Variants in LDB2 observed in about 807,000 individuals in gnomAD.
LDB2 encodes LIM domain-binding protein 2.
In LDB2, 12 loss-of-function variants were observed where a neutral mutation model predicts 44.3. The observed-to-expected ratio is 0.27, with a 90% CI of 0.17 to 0.44. LDB2 has a LOEUF of 0.44. LDB2 is among the 20% of genes least tolerant of loss of function. LDB2 has a pLI of 1.00. For synonymous variants in LDB2, 164 were observed against 174.8 expected (o/e 0.94, Z 0.49); for missense variants, 344 against 473.5 (o/e 0.73, Z 2.54).
chr4:16,728,719 T>C (rs17429609), intron 2 of LDB2, among the ~76,000 whole-genome samples: 2,943 of 152,296 alleles, frequency 0.019, 38 homozygotes, highest in Non-Finnish European at 0.028. Context: ...ATCTAGAGCA[T>C]CCTCTTTCTG....
chr4:16,897,457 C>T (rs1022683906), intron 1 of LDB2, among the ~76,000 whole-genome samples: 3 of 152,194 alleles, frequency 2.0e-5, no homozygotes, highest in African/African-American at 7.2e-5. Context: ...TGAGCTAGCA[C>T]AGAGAAAAAG....
intron 2 of LDB2, among the ~76,000 whole-genome samples, chr4:16,715,112 C>T (rs1262506661): frequency 3.9e-5 from 6 of 152,134 alleles, no homozygotes; most frequent in African/African-American, 1.2e-4. Flanking sequence ...ACCCACACAA[C>T]AGCCCGATGT....
intron 1 of LDB2, among the ~76,000 whole-genome samples, chr4:16,771,083 C>A (rs904865551): frequency 6.6e-6 from 1 of 152,144 alleles, no homozygotes; most frequent in African/African-American, 2.4e-5. Context: ...GATTCAAAAT[C>A]TTGTTTCTGT....
chr4:16,782,350 T>C (rs557534598), intron 1 of LDB2, among the ~76,000 whole-genome samples: 91 of 151,174 alleles, frequency 6.0e-4, no homozygotes, highest in African/African-American at 2.2e-3. Flanking sequence ...ATAAAATAAA[T>C]ACTTTTTTTT....
chr4:16,502,911 G>A (rs1419550713), intron 7 of LDB2, 38 bp from the exon 8 acceptor site: 1 of 1,609,714 alleles, frequency 6.2e-7, no homozygotes, highest in African/African-American at 1.3e-5. Flanking sequence ...GGGAAACCTT[G>A]GGAGAGAGAA....
chr4:16,694,147 A>C (rs1396411360), intron 2 of LDB2, among the ~76,000 whole-genome samples: 2 of 152,210 alleles, frequency 1.3e-5, no homozygotes, highest in African/African-American at 2.4e-5. Context: ...GAATGCCCAC[A>C]CTGTGAGAAA....
At chr4:16,771,315 A>G (rs889493776) in intron 1 of LDB2, among the ~76,000 whole-genome samples, 1 of 152,232 alleles carries the variant, frequency 6.6e-6, no homozygotes, top group Non-Finnish European at 1.5e-5. Flanking sequence ...CTAGAAAAAA[A>G]TAATGTTTTT....
Position 16,508,428 on chromosome 4 carries a change from G to A in LDB2, c.891+107C>T, listed in dbSNP as rs1366772480. ...TTTATCCCTCCCCCACCTCCAACCT[G>A]CCCAGGATTTTTTTTTTTTTTCTAA... On this transcript the variant is annotated intron_variant, in intron 7 of 7. Transcript: ENST00000304523. 8 of 1,078,606 alleles carry A rather than the reference G, an allele frequency of 7.4e-6. No individual in the cohort carries two copies. In the East Asian group the frequency reaches 2.0e-4, roughly 27 times the overall value. 66.8% of individuals were successfully genotyped at this position (1,078,606 alleles called of 1,614,324 possible). A position where few individuals can be genotyped will look rare whatever the true frequency, so the allele number is the denominator to read the frequency against.
intron 2 of LDB2, among the ~76,000 whole-genome samples, chr4:16,751,585 C>T (rs1765509339): frequency 1.3e-5 from 2 of 152,110 alleles, no homozygotes; most frequent in Non-Finnish European, 2.9e-5. Context: ...TATGACTAGT[C>T]CTAGATTTTC....
intron 2 of LDB2, among the ~76,000 whole-genome samples, chr4:16,755,917 C>A (rs1232928354): frequency 7.9e-5 from 12 of 152,160 alleles, no homozygotes. Flanking sequence ...CTCTCCCCAC[C>A]AATTACCACC....
intron 2 of LDB2, among the ~76,000 whole-genome samples, chr4:16,724,269 T>C (rs1401948011): frequency 6.6e-6 from 1 of 151,996 alleles, no homozygotes; most frequent in Non-Finnish European, 1.5e-5. Flanking sequence ...ATGTCTTTGC[T>C]GTACTATCTG....
At chr4:16,772,001 T>C (rs999648546) in intron 1 of LDB2, among the ~76,000 whole-genome samples, 3 of 152,224 alleles carry the variant, frequency 2.0e-5, no homozygotes, top group African/African-American at 7.2e-5. Flanking sequence ...GTTGGTTCAC[T>C]GCACTCTCAG....
intron 5 of LDB2, among the ~76,000 whole-genome samples, chr4:16,578,301 C>T (rs1712672636): frequency 1.3e-5 from 2 of 152,066 alleles, no homozygotes; most frequent in South Asian, 2.1e-4. Flanking sequence ...TTGCAAGCTA[C>T]CCATTTGACA....
intron 2 of LDB2, among the ~76,000 whole-genome samples, chr4:16,754,740 C>A (rs1469151587): frequency 6.6e-6 from 1 of 152,146 alleles, no homozygotes; most frequent in Non-Finnish European, 1.5e-5. Flanking sequence ...CCATATTGGT[C>A]AGGCTGGTCT....
intron 1 of LDB2, among the ~76,000 whole-genome samples, chr4:16,787,978 C>T (rs1579665259): frequency 6.6e-6 from 1 of 152,154 alleles, no homozygotes; most frequent in Admixed American, 6.5e-5. Context: ...CCTGACCACT[C>T]TCTTTCTTCC....
intron 2 of LDB2, among the ~76,000 whole-genome samples, chr4:16,630,576 T>A (rs180772232): frequency 6.6e-6 from 1 of 152,276 alleles, no homozygotes; most frequent in East Asian, 1.9e-4. Context: ...AGGATAAAAT[T>A]CACACATAAC....
intron 1 of LDB2, among the ~76,000 whole-genome samples, chr4:16,784,686 T>C (rs972713923): frequency 2.0e-5 from 3 of 152,164 alleles, no homozygotes; most frequent in African/African-American, 7.2e-5. Context: ...GAGAAGAAAG[T>C]TCAAATTCCT....
chr4:16,523,288 A>C, intron 5 of LDB2, among the ~76,000 whole-genome samples: 1 of 152,178 alleles, frequency 6.6e-6, no homozygotes, highest in East Asian at 1.9e-4. Context: ...AATAAAGTTT[A>C]AGGTACAACA....
rs933473276 is a variant in LDB2 at position 16,768,006 on chromosome 4, G to A, written c.133-8746C>T. Among the ~76,000 whole-genome samples, 7 of 152,144 alleles carry A rather than the reference G, an allele frequency of 4.6e-5. No individual in the cohort carries two copies. The East Asian group carries it at 7.7e-4, about 17-fold the overall frequency. ...CCCTCTTCACCAAAAACAGGATCCCGGTGCCAGGGCTGCCCCTCGGCATCT... is the reference window on the plus strand; with the variant it reads ...CCCTCTTCACCAAAAACAGGATCCCAGTGCCAGGGCTGCCCCTCGGCATCT... On this transcript the variant is annotated intron_variant, in intron 1 of 7. Coordinates refer to ENST00000304523, the MANE Select transcript of LDB2 (RefSeq NM_001290.5).
Sources: allele counts gnomAD v4.1 joint callset (sites outside exome capture counted in the v4.1 genomes callset), GRCh38; gene constraint gnomAD v4.1.1; transcripts MANE v1.5; gene names NCBI Gene and HGNC (gene_info 2026-07-23, HGNC 2026-07-21).